The following ERC1 variants were observed in gnomAD, a reference collection of about 807,000 sequenced individuals.
ERC1 encodes ELKS/RAB6-interacting/CAST family member 1, also known as RAB6 interacting protein 2.
ERC1 carries 56 observed loss-of-function variants against 132.0 expected under a neutral mutation model. The ratio of observed to expected loss-of-function variants is 0.42; its 90% CI spans 0.34 to 0.53. The LOEUF (loss-of-function observed/expected upper bound fraction) is 0.53, where lower values mean the gene tolerates loss of function less well. Ranked by LOEUF, ERC1 falls within the 20% of genes least tolerant of loss-of-function variation. The pLI is 0.03. For missense variants in ERC1, 1,202 were observed against 1,349.9 expected (o/e 0.89, Z 1.72); for synonymous variants, 478 against 476.1 (o/e 1.00, Z -0.05).
At chr12:1,410,644 C>CT (rs200087458) in intron 17 of ERC1, among the ~76,000 whole-genome samples, 5,982 of 126,854 alleles carry the variant, frequency 0.047, 208 homozygotes, top group African/African-American at 0.11. Flanking sequence ...GATTTTGTGG[C>CT]TTTTTTTTTT....
chr12:1,196,417 A>T (rs1956237973), intron 12 of ERC1, among the ~76,000 whole-genome samples: 1 of 150,828 alleles, frequency 6.6e-6, no homozygotes, highest in Admixed American at 6.6e-5. Context: ...GTTTAGTTAT[A>T]TTTGTTCATT....
At chr12:1,435,221 A>G (rs774875498) in intron 17 of ERC1, among the ~76,000 whole-genome samples, 15 of 152,340 alleles carry the variant, frequency 9.8e-5, no homozygotes, top group Admixed American at 3.3e-4. Flanking sequence ...CAACTCTGTC[A>G]GAGCAGCCAG....
At chr12:1,273,686 C>G (rs1251156007) in intron 14 of ERC1, among the ~76,000 whole-genome samples, 1 of 152,036 alleles carries the variant, frequency 6.6e-6, no homozygotes, top group Admixed American at 6.5e-5. Context: ...TGCCTAGTGG[C>G]TACTATATTG....
intron 2 of ERC1, among the ~76,000 whole-genome samples, chr12:1,056,896 G>A (rs982002130): frequency 1.3e-5 from 2 of 152,054 alleles, no homozygotes; most frequent in Admixed American, 6.5e-5. Flanking sequence ...GGGAAATTAC[G>A]CCGAGGACTC....
intron 18 of ERC1, among the ~76,000 whole-genome samples, chr12:1,476,885 A>G (rs925970618): frequency 3.3e-5 from 5 of 152,270 alleles, no homozygotes; most frequent in Non-Finnish European, 7.3e-5. Context: ...ATAAATTACA[A>G]TATATTAATA....
intron 13 of ERC1, among the ~76,000 whole-genome samples, chr12:1,246,323 C>T (rs61606731): frequency 0.13 from 19,770 of 150,558 alleles, 2,285 homozygotes; most frequent in African/African-American, 0.31. Context: ...AGAAATGAAA[C>T]GTGAGCAAAA....
chr12:1,443,385 G>C (rs1185449748), intron 17 of ERC1: 3 of 152,184 alleles, frequency 2.0e-5, no homozygotes, highest in Non-Finnish European at 4.4e-5. Context: ...CTCTGAGGGG[G>C]TCCAAGGAGG....
Position 1,128,775 on chromosome 12 carries a change from TAAAAC to T in ERC1, c.1569+12743_1569+12747del, listed in dbSNP as rs1948456445. On this transcript the variant is annotated intron_variant, in intron 7 of 18. Transcript: ENST00000360905. ...AGGAAAAAAACAAAGGTACTGTAAA[TAAAAC>T]CAACCGGGTTATAAAAGATCAAAAC... Among the ~76,000 whole-genome samples the T allele has an allele frequency of 2.0e-5, 3 of 152,170 alleles. No homozygotes were observed. The South Asian group carries it at 6.2e-4, about 32-fold the overall frequency.
At position 1,371,995 on chromosome 12, in the gene ERC1, C is replaced by A. The variant is rs2087293969; in HGVS notation, c.2925+18C>A. The A allele has an allele frequency of 6.2e-7, 1 of 1,611,798 alleles. No homozygotes were observed. On this transcript the variant is annotated intron_variant, in intron 16 of 18. Transcript: ENST00000360905. ...AGCAGCAGGTATTATTAAATGCCAG[C>A]AGGAGGGTCAGTGGGGCCAGCTTTC...
At chr12:1,464,346 C>T (rs2093699901) in intron 18 of ERC1, among the ~76,000 whole-genome samples, 1 of 151,976 alleles carries the variant, frequency 6.6e-6, no homozygotes, top group African/African-American at 2.4e-5. Flanking sequence ...GTTCGTGGCT[C>T]GCCTATCAGG....
chr12:1,220,153 G>A (rs977462222), intron 12 of ERC1, among the ~76,000 whole-genome samples: 1 of 152,078 alleles, frequency 6.6e-6, no homozygotes, highest in Non-Finnish European at 1.5e-5. Flanking sequence ...TCTCTTCCCT[G>A]ACCATTGTAG....
chr12:1,365,327 GA>G (rs77071351), intron 15 of ERC1, among the ~76,000 whole-genome samples: 3,642 of 146,366 alleles, frequency 0.025, 132 homozygotes, highest in African/African-American at 0.085. Context: ...TACTGGCCTG[GA>G]AAAAAAAAAA....
intron 16 of ERC1, among the ~76,000 whole-genome samples, chr12:1,386,410 C>T (rs982665741): frequency 9.9e-5 from 15 of 151,498 alleles, no homozygotes; most frequent in East Asian, 3.9e-4. Context: ...CACTTTGGGA[C>T]GCCAAGGCAG....
chr12:1,055,076 A>C (rs557764757), intron 2 of ERC1, among the ~76,000 whole-genome samples: 2 of 152,058 alleles, frequency 1.3e-5, no homozygotes, highest in East Asian at 1.9e-4. Context: ...CAAAACAAAA[A>C]AAGAATGAAC....
chr12:1,173,626 ACTC>A (rs1953332073), intron 8 of ERC1, among the ~76,000 whole-genome samples: 1 of 152,138 alleles, frequency 6.6e-6, no homozygotes, highest in Non-Finnish European at 1.5e-5. Flanking sequence ...TATAGAATAG[ACTC>A]TCTGCTGAAT....
At chr12:1,377,470 G>A (rs12320293) in intron 16 of ERC1, among the ~76,000 whole-genome samples, 69,827 of 152,058 alleles carry the variant, frequency 0.46, 18,025 homozygotes, top group African/African-American at 0.7. Flanking sequence ...CAGTTACCAT[G>A]ATAACACGAT....
At chr12:1,163,571 C>T (rs1593856106) in intron 8 of ERC1, among the ~76,000 whole-genome samples, 1 of 152,248 alleles carries the variant, frequency 6.6e-6, no homozygotes, top group East Asian at 1.9e-4. Flanking sequence ...CAGAAGGGCT[C>T]ACATAGGTAG....
At chr12:1,345,526 C>T (rs1368883203) in intron 15 of ERC1, among the ~76,000 whole-genome samples, 1 of 152,122 alleles carries the variant, frequency 6.6e-6, no homozygotes, top group Non-Finnish European at 1.5e-5. Context: ...AGCCATCCTT[C>T]CAAGTTTAAG....
intron 1 of ERC1, 169 bp from the exon 2 acceptor site, chr12:1,027,568 ATCTAAAATATC>A (rs2154149808): frequency 4.3e-6 from 1 of 234,440 alleles, no homozygotes; most frequent in South Asian, 1.2e-4. Flanking sequence ...GTTTTGAGAC[ATCTAAAATATC>A]TCTAAAATAT....
Sources: gnomAD v4.1 joint callset for allele counts (sites outside exome capture counted in the v4.1 genomes callset) on GRCh38, gnomAD v4.1.1 for gene constraint, MANE v1.5 for transcripts, NCBI Gene and HGNC (gene_info 2026-07-23, HGNC 2026-07-21) for gene names.